The following ADGRG2 variants were observed in gnomAD, a reference collection of about 807,000 sequenced individuals.
The protein encoded by ADGRG2 is adhesion G protein-coupled receptor G2.
In ADGRG2, 26 loss-of-function variants were observed where a neutral mutation model predicts 74.1. That is an observed-to-expected ratio of 0.35 (90% CI 0.26 to 0.49). ADGRG2 has a LOEUF of 0.49. Among genes scored for constraint, ADGRG2 ranks in the 20% least tolerant of loss-of-function variants. ADGRG2 has a pLI of 0.99. For missense variants in ADGRG2, 619 were observed against 763.1 expected, an observed-to-expected ratio of 0.81 and a Z score of 2.22; for synonymous variants, 296 against 295.2, an observed-to-expected ratio of 1.00 and a Z score of -0.03.
chrX:19,045,255 C>T (rs2061153681), intron 3 of ADGRG2, among the ~76,000 whole-genome samples: 1 of 109,180 alleles, frequency 9.2e-6, no homozygotes, highest in East Asian at 2.8e-4. Flanking sequence ...CAATGACAAA[C>T]TCTGTAGACC....
At chrX:19,091,857 A>G (rs754367869) in intron 1 of ADGRG2, among the ~76,000 whole-genome samples, 9 of 112,483 alleles carry the variant, frequency 8.0e-5, no homozygotes, top group Non-Finnish European at 1.7e-4. Context: ...ACGAGGAAGT[A>G]ATTACGGTAT....
At chrX:19,008,220 G>T in intron 18 of ADGRG2, 97 bp from the exon 19 acceptor site, 1 of 570,540 alleles carries the variant, frequency 1.8e-6, no homozygotes, top group Non-Finnish European at 2.6e-6. Context: ...ATTGCAGTAT[G>T]TGCCATTTTT....
At chrX:19,044,036 A>C (rs1231972412) in intron 3 of ADGRG2, among the ~76,000 whole-genome samples, 1 of 111,599 alleles carries the variant, frequency 9.0e-6, no homozygotes, top group African/African-American at 3.3e-5. Flanking sequence ...CTTCAAACAC[A>C]AAATTGTTAT....
chrX:19,009,701 A>G lies in ADGRG2; in HGVS notation c.1347T>C (p.Ala449=), dbSNP rs1232476417. ...TTISLTSPSL[A]LAVIRVNASS... is the part of the protein sequence containing the mutation. The stretch of plus-strand genomic sequence containing the variant: ...TGGCATTCACTCTGATCACAGCCAG[A>G]GCCAAAGAAGGGGAGGTTAGACTTA... Residue 449 remains alanine (A), a synonymous_variant, in exon 18 of 29, where the codon GCT becomes GCC. Transcript: ENST00000379869. 2.5e-6 allele frequency: 3 copies of G among 1,202,537 alleles called. No individual in the cohort carries two copies. Among genetic ancestry groups the G allele is most frequent in the African/African-American group, 1.7e-5 (1 of 57,234 alleles).
chrX:19,013,665 C>T (rs779885544), intron 16 of ADGRG2, 21 bp downstream of exon 16: 15 of 1,144,102 alleles, frequency 1.3e-5, no homozygotes, highest in African/African-American at 7.3e-5. Flanking sequence ...GCAGATTGGC[C>T]GCTGTTCAAG....
At chrX:19,120,971 G>A (rs2062600406) in intron 1 of ADGRG2, among the ~76,000 whole-genome samples, 1 of 112,349 alleles carries the variant, frequency 8.9e-6, no homozygotes, top group Non-Finnish European at 1.9e-5. Context: ...CCTTGGTGCG[G>A]AAGATTTGCA....
At chrX:18,994,532 A>C (rs770610194) in intron 28 of ADGRG2, among the ~76,000 whole-genome samples, 67 of 111,708 alleles carry the variant, frequency 6.0e-4, no homozygotes, top group Non-Finnish European at 1.1e-3. Context: ...ATATTATGAT[A>C]GATGTAATAA....
intron 3 of ADGRG2, among the ~76,000 whole-genome samples, chrX:19,063,190 C>G (rs1431790851): frequency 9.0e-6 from 1 of 111,393 alleles, no homozygotes; most frequent in Non-Finnish European, 1.9e-5. Flanking sequence ...CATCCCACCT[C>G]TCCCTGCCGT....
chrX:19,058,107 G>A (rs950491358), intron 3 of ADGRG2, among the ~76,000 whole-genome samples: 3 of 111,991 alleles, frequency 2.7e-5, no homozygotes, highest in Non-Finnish European at 3.8e-5. Context: ...CAGTCCACAA[G>A]TGAGGAAACA....
At chrX:19,040,890 C>T (rs1417499446) in intron 3 of ADGRG2, among the ~76,000 whole-genome samples, 2 of 111,006 alleles carry the variant, frequency 1.8e-5, no homozygotes, top group African/African-American at 3.3e-5. Context: ...TATAATTTCA[C>T]CACTCAGAGA....
intron 1 of ADGRG2, among the ~76,000 whole-genome samples, chrX:19,099,905 T>G (rs971215152): frequency 1.8e-5 from 2 of 111,161 alleles, no homozygotes; most frequent in African/African-American, 6.5e-5. Flanking sequence ...CATGGTTGTG[T>G]ATGCCTGTGG....
Position 19,039,958 on chromosome X carries a change from A to G in ADGRG2, c.154+231T>C, listed in dbSNP as rs200151738. 8.2e-4 allele frequency among the ~76,000 whole-genome samples: 92 copies of G among 112,047 alleles called. No individual in the cohort carries two copies. In the East Asian group the frequency reaches 0.019, roughly 23 times the overall value. On this transcript the variant is annotated intron_variant, in intron 4 of 28. Transcript: ENST00000379869. ...GTAATTACTGTAATGAAAACTAACA[A>G]TTTAGTCCCCTGTGATTTGTTGCCT...
At chrX:19,027,498 C>A (rs925616528) in intron 10 of ADGRG2, among the ~76,000 whole-genome samples, 1 of 112,201 alleles carries the variant, frequency 8.9e-6, no homozygotes. Flanking sequence ...ATTGGCTGAG[C>A]CTGTTTTTGT....
chrX:19,023,304 G>A (rs1258129067), intron 13 of ADGRG2, 112 bp downstream of exon 13: 3 of 436,276 alleles, frequency 6.9e-6, no homozygotes, highest in Non-Finnish European at 1.2e-5. Flanking sequence ...TCATTAATAT[G>A]TATTTATTTT....
intron 3 of ADGRG2, among the ~76,000 whole-genome samples, chrX:19,053,335 A>C (rs1187723942): frequency 9.0e-6 from 1 of 110,944 alleles, no homozygotes; most frequent in Non-Finnish European, 1.9e-5. Flanking sequence ...CTAAGGTAAA[A>C]GTGAGAGGAT....
chrX:19,010,662 T>C lies in ADGRG2; in HGVS notation c.1216A>G (p.Ser406Gly). Residue 406 changes from serine (S) to glycine (G), a missense_variant, in exon 17 of 29, where the codon AGC becomes GGC. Transcript: ENST00000379869. Reference protein sequence around the residue: ...NLAGEMINQVSRLLHSPPDML... With the variant: ...NLAGEMINQVGRLLHSPPDML... ...TCAGGCGGGGAATGAAGGAGTCTGC[T>C]GACTTGGTTGATCATTTCTCCTGCG... 2 of 1,210,122 alleles carry C rather than the reference T, an allele frequency of 1.7e-6. No homozygotes were observed. Among genetic ancestry groups the C allele is most frequent in the African/African-American group, 3.5e-5 (2 of 57,764 alleles).
rs184856587 is a variant in ADGRG2 at position 19,023,409 on chromosome X, G to A, written c.548+7C>T. Reference sequence around the variant, plus strand: ...TTATATTTATGAAAGTATTAAAAATGACTGACCTTTGGGCCTCTGCTGTAG... The same window carrying A: ...TTATATTTATGAAAGTATTAAAAATAACTGACCTTTGGGCCTCTGCTGTAG... On this transcript the variant is annotated splice_region_variant and intron_variant, in intron 13 of 28. Coordinates refer to ENST00000379869, the MANE Select transcript of ADGRG2 (RefSeq NM_001079858.3). The A allele has an allele frequency of 4.8e-4, 510 of 1,073,491 alleles. 1 individual carries two copies. In the African/African-American group the frequency reaches 8.4e-3, roughly 18 times the overall value. The allele number at this position is 1,073,491 out of a possible 1,213,427, so 88.5% of individuals were successfully genotyped here.
At chrX:19,108,591 C>T (rs1025224189) in intron 1 of ADGRG2, among the ~76,000 whole-genome samples, 2 of 112,184 alleles carry the variant, frequency 1.8e-5, no homozygotes, top group Non-Finnish European at 3.8e-5. Flanking sequence ...TCGGCAGTGA[C>T]AATCACCCAA....
Position 19,086,887 on chromosome X carries a change from G to A in ADGRG2, c.-46-4141C>T, listed in dbSNP as rs745524596. Among the ~76,000 whole-genome samples the A allele has an allele frequency of 9.9e-5, 11 of 111,487 alleles. 1 individual carries two copies. The highest frequency in any genetic ancestry group is 7.8e-4 in the South Asian group (2 of 2,579). On this transcript the variant is annotated intron_variant, in intron 1 of 28. Coordinates refer to ENST00000379869, the MANE Select transcript of ADGRG2 (RefSeq NM_001079858.3). ...AGTTCCTGGCAATGACACTGACACC[G>A]ACACCATGGAAGAAATGACCAGAGG...
Sources: allele counts gnomAD v4.1 joint callset (sites outside exome capture counted in the v4.1 genomes callset), GRCh38; gene constraint gnomAD v4.1.1; transcripts MANE v1.5; gene names NCBI Gene and HGNC (gene_info 2026-07-23, HGNC 2026-07-21).